Variants in BCO1 observed in about 807,000 individuals in gnomAD.
The protein encoded by BCO1 is beta,beta-carotene 15,15'-dioxygenase.
BCO1 carries 54 observed loss-of-function variants against 56.3 expected under a neutral mutation model. That is an observed-to-expected ratio of 0.96 (90% CI 0.77 to 1.20). The LOEUF (loss-of-function observed/expected upper bound fraction) is 1.20. BCO1 is among the 50% of genes most tolerant of loss of function. The pLI, the probability that BCO1 is intolerant of heterozygous loss-of-function variation, is 0.00. For synonymous variants in BCO1, 318 were observed against 266.1 expected, an observed-to-expected ratio of 1.20 and a Z score of -1.90; for missense variants, 801 against 690.9, an observed-to-expected ratio of 1.16 and a Z score of -1.79.
At chr16:81,282,027 A>C (rs1907912071) in intron 8 of BCO1, among the ~76,000 whole-genome samples, 1 of 152,260 alleles carries the variant, frequency 6.6e-6, no homozygotes. Flanking sequence ...GCCAAAGTGC[A>C]GAATGAATGG....
chr16:81,286,157 G>A (rs1001380517), intron 9 of BCO1, among the ~76,000 whole-genome samples: 4 of 152,002 alleles, frequency 2.6e-5, no homozygotes, highest in Non-Finnish European at 4.4e-5. Flanking sequence ...AAAAGTGCTG[G>A]ATTACAGCCT....
chr16:81,258,364 G>A (rs1171093182), intron 2 of BCO1, among the ~76,000 whole-genome samples: 1 of 152,198 alleles, frequency 6.6e-6, no homozygotes, highest in Non-Finnish European at 1.5e-5. Flanking sequence ...GCAGAATTTG[G>A]ATGAATTAGA....
chr16:81,271,983 G>A (rs112729153), intron 7 of BCO1, among the ~76,000 whole-genome samples: 104 of 152,204 alleles, frequency 6.8e-4, no homozygotes, highest in African/African-American at 2.3e-3. Context: ...CTGAACTCAG[G>A]CAATCTGCCC....
At chr16:81,270,015 G>A in intron 6 of BCO1, 144 bp from the exon 7 acceptor site, 1 of 1,035,440 alleles carries the variant, frequency 9.7e-7, no homozygotes, top group Non-Finnish European at 1.5e-6. Flanking sequence ...CCTGTCTGGT[G>A]TTGTGGAGCA....
At chr16:81,246,603 C>T (rs1408807849) in intron 2 of BCO1, among the ~76,000 whole-genome samples, 1 of 128,038 alleles carries the variant, frequency 7.8e-6, no homozygotes, top group Admixed American at 7.9e-5. Flanking sequence ...GTAATTCCAT[C>T]ACTTTGGGAG....
At chr16:81,251,648 A>C (rs1905804290) in intron 2 of BCO1, among the ~76,000 whole-genome samples, 1 of 152,094 alleles carries the variant, frequency 6.6e-6, no homozygotes, top group African/African-American at 2.4e-5. Flanking sequence ...GGTGAAGGGT[A>C]CAAGAACACT....
intron 7 of BCO1, among the ~76,000 whole-genome samples, chr16:81,279,168 A>G (rs955203643): frequency 6.6e-6 from 1 of 152,094 alleles, no homozygotes; most frequent in East Asian, 1.9e-4. Context: ...TCCCCCAGCT[A>G]CTCAGGAGGC....
intron 7 of BCO1, among the ~76,000 whole-genome samples, chr16:81,274,016 C>T (rs1220731984): frequency 6.6e-6 from 1 of 152,198 alleles, no homozygotes; most frequent in Non-Finnish European, 1.5e-5. Context: ...TGGGCGCCTG[C>T]ACCCCTTGCT....
intron 2 of BCO1, among the ~76,000 whole-genome samples, chr16:81,258,213 A>G (rs1463124527): frequency 6.6e-6 from 1 of 152,140 alleles, no homozygotes; most frequent in Non-Finnish European, 1.5e-5. Flanking sequence ...TAATGACTGT[A>G]TGTTGTGTGA....
At chr16:81,268,222 T>G in intron 6 of BCO1, 91 bp downstream of exon 6, 1 of 1,231,880 alleles carries the variant, frequency 8.1e-7, no homozygotes, top group Non-Finnish European at 1.2e-6. Flanking sequence ...GGCAAGGAAG[T>G]GGCATGGAAG....
At chr16:81,279,661 G>A (rs1340099590) in intron 7 of BCO1, among the ~76,000 whole-genome samples, 1 of 152,110 alleles carries the variant, frequency 6.6e-6, no homozygotes, top group Non-Finnish European at 1.5e-5. Context: ...ACTTGCTCAA[G>A]GCCCCACGGT....
chr16:81,264,675 A>G lies in BCO1; in HGVS notation c.507A>G (p.Ala169=), dbSNP rs756673329. 1.2e-6 allele frequency: 2 copies of G among 1,614,170 alleles called. No individual in the cohort carries two copies. The highest frequency in any genetic ancestry group is 2.2e-5 in the East Asian group (1 of 44,892). Residue 169 remains alanine, a synonymous_variant, in exon 5 of 11, where the codon GCA becomes GCG. Transcript: ENST00000258168. ...GTAAATACGTGGCGGTAAATCTGGC[A>G]ACGTCACATCCCCATTATGATGAGG... The part of the protein sequence containing the change: ...DYRKYVAVNL[A]TSHPHYDEAG...
intron 10 of BCO1, 124 bp from the exon 11 acceptor site, chr16:81,290,224 T>C: frequency 1.2e-6 from 1 of 843,596 alleles, no homozygotes; most frequent in Non-Finnish European, 2.0e-6. Context: ...GTGTCTCAAA[T>C]TCACTCCCTC....
At chr16:81,245,302 C>A (rs528279717) in intron 1 of BCO1, among the ~76,000 whole-genome samples, 173 bp from the exon 2 acceptor site, 3 of 152,212 alleles carry the variant, frequency 2.0e-5, no homozygotes, top group Non-Finnish European at 4.4e-5. Context: ...ATCCTCAGTG[C>A]TAGCCAACTG....
intron 2 of BCO1, among the ~76,000 whole-genome samples, chr16:81,248,956 G>A (rs943544802): frequency 6.6e-6 from 1 of 152,140 alleles, no homozygotes; most frequent in Non-Finnish European, 1.5e-5. Context: ...AGGCTGTGGT[G>A]AGTTGAGATC....
chr16:81,244,951 T>G (rs1567697559), intron 1 of BCO1, among the ~76,000 whole-genome samples: 1 of 152,020 alleles, frequency 6.6e-6, no homozygotes. Context: ...AGTGCAGTGG[T>G]ACAATCTCGG....
At chr16:81,281,087 G>T in intron 8 of BCO1, 125 bp downstream of exon 8, 2 of 726,268 alleles carry the variant, frequency 2.8e-6, no homozygotes, top group South Asian at 1.6e-5. Context: ...AGGGTCTTGG[G>T]ATGCCCTGGT....
intron 3 of BCO1, among the ~76,000 whole-genome samples, chr16:81,261,613 A>G (rs1597357794): frequency 1.3e-5 from 2 of 152,240 alleles, no homozygotes; most frequent in East Asian, 3.9e-4. Context: ...GCTGGTGACC[A>G]TGGCATTCCG....
intron 1 of BCO1, 133 bp downstream of exon 1, chr16:81,239,105 C>T (rs1423542270): frequency 1.9e-5 from 14 of 736,730 alleles, no homozygotes; most frequent in African/African-American, 1.8e-4. Flanking sequence ...CAACCTCTGC[C>T]TCCTGGGTTC....
Sources: gnomAD v4.1 joint callset for allele counts (sites outside exome capture counted in the v4.1 genomes callset) on GRCh38, gnomAD v4.1.1 for gene constraint, MANE v1.5 for transcripts, NCBI Gene and HGNC (gene_info 2026-07-23, HGNC 2026-07-21) for gene names.